BICC1: variants seen among roughly 807,000 people sequenced by gnomAD.
The protein encoded by BICC1 is BicC family RNA binding protein 1.
A neutral mutation model predicts 111.0 loss-of-function variants in BICC1; 43 were observed. The observed-to-expected ratio is 0.39, with a 90% CI of 0.30 to 0.50. BICC1 has a LOEUF of 0.50. Among genes scored for constraint, BICC1 ranks in the 20% least tolerant of loss-of-function variants. The probability of loss-of-function intolerance (pLI) is 0.88; values close to 1 mark genes in which losing one functional copy is unlikely to be tolerated. For missense variants in BICC1, 1,091 were observed against 1,203.2 expected (o/e 0.91, Z 1.38); for synonymous variants, 467 against 434.4 (o/e 1.07, Z -0.93).
intron 1 of BICC1, among the ~76,000 whole-genome samples, chr10:58,569,698 A>G (rs1374558076): frequency 1.3e-5 from 2 of 152,116 alleles, no homozygotes; most frequent in Non-Finnish European, 2.9e-5. Flanking sequence ...AGCTTCTTCT[A>G]TGTCCCTGCA....
At position 58,632,576 on chromosome 10, in the gene BICC1, G is replaced by A. The variant is rs550240505; in HGVS notation, c.237+11675G>A. 5.3e-5 allele frequency among the ~76,000 whole-genome samples: 8 copies of A among 152,142 alleles called. No individual in the cohort carries two copies. The South Asian group carries it at 1.5e-3, about 28-fold the overall frequency. On this transcript the variant is annotated intron_variant, in intron 2 of 20. Coordinates refer to ENST00000373886, the MANE Select transcript of BICC1 (RefSeq NM_001080512.3). Reference sequence around the variant, plus strand: ...TCTTGGGAGAAAGTGTTTGAGGTGCGTTTTGAGGACTAGGTAAAAGGAATT... The same window carrying A: ...TCTTGGGAGAAAGTGTTTGAGGTGCATTTTGAGGACTAGGTAAAAGGAATT...
chr10:58,824,124 T>C (rs1027737495), intron 20 of BICC1: 43 of 982,658 alleles, frequency 4.4e-5, no homozygotes, highest in Admixed American at 1.2e-4. Context: ...TTCTCAGATT[T>C]GTATTCCTGA....
intron 1 of BICC1, among the ~76,000 whole-genome samples, chr10:58,589,483 A>G (rs565484742): frequency 7.4e-5 from 11 of 149,010 alleles, no homozygotes; most frequent in African/African-American, 2.5e-4. Flanking sequence ...TTAGTTTTTA[A>G]TTTTTTGAGA....
chr10:58,680,626 T>C (rs1477262317), intron 2 of BICC1, among the ~76,000 whole-genome samples: 1 of 152,188 alleles, frequency 6.6e-6, no homozygotes, highest in East Asian at 1.9e-4. Flanking sequence ...TTCAATGATA[T>C]TCCCATCAAG....
At chr10:58,606,256 T>G (rs1845208105) in intron 1 of BICC1, among the ~76,000 whole-genome samples, 1 of 152,194 alleles carries the variant, frequency 6.6e-6, no homozygotes, top group Admixed American at 6.5e-5. Context: ...TTATTCAATT[T>G]GATACATACA....
intron 1 of BICC1, among the ~76,000 whole-genome samples, chr10:58,556,136 C>G (rs1012149154): frequency 6.6e-6 from 1 of 151,906 alleles, no homozygotes; most frequent in Non-Finnish European, 1.5e-5. Context: ...AGTTATACCT[C>G]CTAGGTTGAG....
intron 20 of BICC1, among the ~76,000 whole-genome samples, chr10:58,826,134 A>C (rs1487943791): frequency 6.6e-6 from 1 of 152,212 alleles, no homozygotes; most frequent in African/African-American, 2.4e-5. Context: ...GATTGTTATA[A>C]AAAAGCATAC....
chr10:58,598,604 C>T (rs1844914127), intron 1 of BICC1, among the ~76,000 whole-genome samples: 1 of 152,124 alleles, frequency 6.6e-6, no homozygotes, highest in African/African-American at 2.4e-5. Flanking sequence ...TGGGCAAAGA[C>T]TTCATGACTA....
intron 1 of BICC1, among the ~76,000 whole-genome samples, chr10:58,528,980 C>T (rs1374582109): frequency 6.6e-6 from 1 of 151,884 alleles, no homozygotes; most frequent in African/African-American, 2.4e-5. Flanking sequence ...GAAGCAAGTA[C>T]TTGTCAGAGA....
At chr10:58,753,849 T>C (rs1842062635) in intron 3 of BICC1, among the ~76,000 whole-genome samples, 1 of 152,160 alleles carries the variant, frequency 6.6e-6, no homozygotes, top group Admixed American at 6.5e-5. Context: ...TTGCCATTTT[T>C]CCCTATTCCG....
At chr10:58,548,154 C>T (rs1843189998) in intron 1 of BICC1, among the ~76,000 whole-genome samples, 2 of 152,152 alleles carry the variant, frequency 1.3e-5, no homozygotes, top group Non-Finnish European at 2.9e-5. Flanking sequence ...AATCTGTTAC[C>T]ACATGGCTCA....
chr10:58,770,708 TACAAGGCTGA>T (rs1332301535), intron 3 of BICC1, among the ~76,000 whole-genome samples: 1 of 152,138 alleles, frequency 6.6e-6, no homozygotes, highest in Non-Finnish European at 1.5e-5. Context: ...AGGGGAGGAA[TACAAGGCTGA>T]ACACCAGTTG....
intron 18 of BICC1, among the ~76,000 whole-genome samples, chr10:58,814,856 GAC>G (rs1564629785): frequency 3.3e-5 from 5 of 152,004 alleles, no homozygotes; most frequent in Non-Finnish European, 7.4e-5. Flanking sequence ...ATTGAAGAAA[GAC>G]TGTCCAGCGG....
chr10:58,683,496 A>G (rs1219215609), intron 2 of BICC1, among the ~76,000 whole-genome samples: 1 of 152,172 alleles, frequency 6.6e-6, no homozygotes, highest in African/African-American at 2.4e-5. Context: ...CACGATATTG[A>G]TTCTTCCTAT....
chr10:58,541,384 A>C (rs1842976798), intron 1 of BICC1, among the ~76,000 whole-genome samples: 1 of 152,150 alleles, frequency 6.6e-6, no homozygotes, highest in South Asian at 2.1e-4. Flanking sequence ...AACACACAAA[A>C]GTCAGTTACA....
chr10:58,757,470 T>A (rs181592305), intron 3 of BICC1, among the ~76,000 whole-genome samples: 23 of 149,000 alleles, frequency 1.5e-4, no homozygotes, highest in African/African-American at 5.2e-4. Context: ...TCTGTGAGAC[T>A]AGCATTTAAG....
intron 3 of BICC1, among the ~76,000 whole-genome samples, chr10:58,707,997 AGC>A (rs1840443639): frequency 2.8e-5 from 2 of 71,476 alleles, no homozygotes; most frequent in African/African-American, 5.0e-5. Context: ...GCGCCTAGCC[AGC>A]TAATTTTTTT....
At chr10:58,596,346 T>TC (rs1844812046) in intron 1 of BICC1, among the ~76,000 whole-genome samples, 1 of 152,142 alleles carries the variant, frequency 6.6e-6, no homozygotes. Flanking sequence ...GAAAAGGCCT[T>TC]CAACAAATTC....
chr10:58,719,322 G>A (rs1460724032), intron 3 of BICC1, among the ~76,000 whole-genome samples: 2 of 152,022 alleles, frequency 1.3e-5, no homozygotes, highest in African/African-American at 4.8e-5. Flanking sequence ...TTACACCTGG[G>A]TTGTGTCTGC....
Sources: allele counts gnomAD v4.1 joint callset (sites outside exome capture counted in the v4.1 genomes callset), GRCh38; gene constraint gnomAD v4.1.1; transcripts MANE v1.5; gene names NCBI Gene and HGNC (gene_info 2026-07-23, HGNC 2026-07-21).